Variants in APBB2 observed in about 807,000 individuals in gnomAD.
APBB2 encodes amyloid beta precursor protein binding family B member 2.
Under a neutral mutation model 82.5 loss-of-function variants are expected in APBB2, and 38 were observed. The ratio of observed to expected loss-of-function variants is 0.46; its 90% confidence interval spans 0.36 to 0.60. APBB2 has a LOEUF of 0.60. Ranked by LOEUF, APBB2 falls within the 20% of genes least tolerant of loss-of-function variation. The pLI, the probability that APBB2 is intolerant of heterozygous loss-of-function variation, is 0.00. For missense variants in APBB2, 772 were observed against 972.3 expected (o/e 0.79, Z 2.74); for synonymous variants, 341 against 368.2 (o/e 0.93, Z 0.85).
chr4:41,199,532 C>T (rs985841109), intron 1 of APBB2, among the ~76,000 whole-genome samples: 2 of 152,176 alleles, frequency 1.3e-5, no homozygotes, highest in South Asian at 2.1e-4. Context: ...TGAATTTTGA[C>T]CAATGAACAA....
intron 12 of APBB2, among the ~76,000 whole-genome samples, chr4:40,845,116 C>A (rs901715248): frequency 1.3e-5 from 2 of 152,180 alleles, no homozygotes; most frequent in African/African-American, 4.8e-5. Context: ...ACAGTTAATT[C>A]ATTTGGAGTT....
At chr4:40,962,320 T>C (rs1158197030) in intron 6 of APBB2, among the ~76,000 whole-genome samples, 2 of 152,140 alleles carry the variant, frequency 1.3e-5, no homozygotes, top group African/African-American at 2.4e-5. Flanking sequence ...AAAGAACCAG[T>C]AAATGAAATA....
intron 6 of APBB2, among the ~76,000 whole-genome samples, chr4:40,973,825 C>G (rs1459321908): frequency 6.6e-6 from 1 of 150,772 alleles, no homozygotes; most frequent in Non-Finnish European, 1.5e-5. Flanking sequence ...TCTCTTTCTT[C>G]TGTGTGTGTG....
At chr4:41,124,446 G>A (rs1753813935) in intron 2 of APBB2, among the ~76,000 whole-genome samples, 2 of 152,060 alleles carry the variant, frequency 1.3e-5, no homozygotes, top group South Asian at 2.1e-4. Context: ...TTGACGTCGT[G>A]ATCCGCCCGC....
At chr4:41,093,348 T>C (rs901609509) in intron 3 of APBB2, among the ~76,000 whole-genome samples, 1 of 152,164 alleles carries the variant, frequency 6.6e-6, no homozygotes, top group African/African-American at 2.4e-5. Flanking sequence ...GAGATAAACA[T>C]AGGCTATAAC....
At chr4:41,009,067 C>T (rs1807593727) in intron 6 of APBB2, among the ~76,000 whole-genome samples, 1 of 152,050 alleles carries the variant, frequency 6.6e-6, no homozygotes. Context: ...GAAACCTGTA[C>T]CCAGGAAGGT....
chr4:40,881,429 A>C, intron 12 of APBB2: 2 of 965,506 alleles, frequency 2.1e-6, no homozygotes, highest in South Asian at 4.8e-5. Flanking sequence ...GGGAAAAAAA[A>C]CAATGACCAA....
intron 10 of APBB2, among the ~76,000 whole-genome samples, chr4:40,925,333 T>C (rs917008394): frequency 6.6e-5 from 10 of 152,236 alleles, no homozygotes; most frequent in African/African-American, 2.4e-4. Context: ...GTCAATTCAA[T>C]GTTTATAACA....
intron 6 of APBB2, among the ~76,000 whole-genome samples, chr4:41,002,539 C>T (rs1475576523): frequency 2.0e-5 from 3 of 152,160 alleles, no homozygotes; most frequent in African/African-American, 4.8e-5. Context: ...ATGGCTAAGT[C>T]CATTGATAGT....
At chr4:41,077,171 ATTTTTT>A (rs368187037) in intron 3 of APBB2, among the ~76,000 whole-genome samples, 46 of 129,976 alleles carry the variant, frequency 3.5e-4, no homozygotes, top group African/African-American at 1.2e-3. Context: ...CACCCAGCTA[ATTTTTT>A]TTTTTTTTTT....
At chr4:41,156,261 A>T (rs1290034125) in intron 1 of APBB2, among the ~76,000 whole-genome samples, 1 of 152,258 alleles carries the variant, frequency 6.6e-6, no homozygotes, top group Non-Finnish European at 1.5e-5. Context: ...GAAAAAAATC[A>T]TGAGTAAAGA....
chr4:40,997,533 A>C, intron 6 of APBB2, among the ~76,000 whole-genome samples: 1 of 152,182 alleles, frequency 6.6e-6, no homozygotes, highest in Middle Eastern at 3.2e-3. Context: ...TCTCACAGTT[A>C]TCATTCTTCA....
At chr4:41,168,634 A>G (rs1310547562) in intron 1 of APBB2, among the ~76,000 whole-genome samples, 1 of 152,238 alleles carries the variant, frequency 6.6e-6, no homozygotes, top group Non-Finnish European at 1.5e-5. Flanking sequence ...AATTTAAAAA[A>G]GAAAAAGTCC....
At chr4:41,009,564 G>C (rs544669255) in intron 6 of APBB2, among the ~76,000 whole-genome samples, 2 of 152,246 alleles carry the variant, frequency 1.3e-5, no homozygotes, top group Admixed American at 1.3e-4. Flanking sequence ...ATTCTAACTT[G>C]GAAAGGATGC....
intron 12 of APBB2, among the ~76,000 whole-genome samples, chr4:40,854,909 C>G (rs929246291): frequency 2.0e-5 from 3 of 151,942 alleles, no homozygotes; most frequent in Non-Finnish European, 4.4e-5. Flanking sequence ...TTGTAACAAA[C>G]TGGAATTACC....
At chr4:41,035,529 A>G (rs1412062584) in intron 4 of APBB2, among the ~76,000 whole-genome samples, 1 of 152,206 alleles carries the variant, frequency 6.6e-6, no homozygotes, top group African/African-American at 2.4e-5. Context: ...TTTTGTCTTC[A>G]GTACATTAAA....
At chr4:40,829,732 G>A (rs1055518750) in intron 13 of APBB2, among the ~76,000 whole-genome samples, 2 of 152,176 alleles carry the variant, frequency 1.3e-5, no homozygotes, top group Non-Finnish European at 2.9e-5. Context: ...TATGCTGGTG[G>A]GAGGCGGAGG....
intron 10 of APBB2, among the ~76,000 whole-genome samples, chr4:40,898,880 C>CACACACACAG (rs148917018): frequency 0.056 from 8,302 of 149,550 alleles, 274 homozygotes; most frequent in Middle Eastern, 0.11. Context: ...CACACACACA[C>CACACACACAG]AGAACACTGG....
At chr4:40,897,541 T>C (rs925339258) in intron 10 of APBB2, among the ~76,000 whole-genome samples, 1 of 152,156 alleles carries the variant, frequency 6.6e-6, no homozygotes, top group Non-Finnish European at 1.5e-5. Flanking sequence ...AATTGTTTTG[T>C]CATACTGATG....
Sources: gnomAD v4.1 joint callset for allele counts (sites outside exome capture counted in the v4.1 genomes callset) on GRCh38, gnomAD v4.1.1 for gene constraint, MANE v1.5 for transcripts, NCBI Gene and HGNC (gene_info 2026-07-23, HGNC 2026-07-21) for gene names.